Variants in PERP observed in about 807,000 individuals in gnomAD.
The protein encoded by PERP is p53 apoptosis effector related to PMP-22.
Under a neutral mutation model 20.3 loss-of-function variants are expected in PERP, and 11 were observed. The ratio of observed to expected loss-of-function variants is 0.54; its 90% CI spans 0.34 to 0.90. The LOEUF is 0.90. Among genes scored for constraint, PERP ranks in the 40% least tolerant of loss-of-function variants. The pLI, the probability that PERP is intolerant of heterozygous loss-of-function variation, is 0.02. For missense variants in PERP, 224 were observed against 249.4 expected (o/e 0.90, Z 0.69); for synonymous variants, 101 against 102.0 (o/e 0.99, Z 0.06).
chr6:138,095,288 T>C (rs3734298), intron 2 of PERP, among the ~76,000 whole-genome samples: 24,137 of 152,188 alleles, frequency 0.16, 2,297 homozygotes, highest in Non-Finnish European at 0.21. Flanking sequence ...ACAGAAACTG[T>C]CAAATGTGCC....
At chr6:138,099,604 G>T (rs1473900366) in intron 1 of PERP, among the ~76,000 whole-genome samples, 1 of 152,072 alleles carries the variant, frequency 6.6e-6, no homozygotes, top group Non-Finnish European at 1.5e-5. Flanking sequence ...ACAGATAAAG[G>T]TTTGAAAAAT....
chr6:138,093,750 A>T (rs1174239001), intron 2 of PERP, among the ~76,000 whole-genome samples: 1 of 152,118 alleles, frequency 6.6e-6, no homozygotes, highest in Non-Finnish European at 1.5e-5. Context: ...AATTTTTCTG[A>T]TGTTTAATGT....
intron 1 of PERP, among the ~76,000 whole-genome samples, chr6:138,099,043 T>C (rs1254060186): frequency 1.3e-5 from 2 of 152,228 alleles, no homozygotes; most frequent in East Asian, 3.8e-4. Flanking sequence ...GACCATGCTT[T>C]GGAAAGAACA....
At chr6:138,097,664 C>T (rs914896098) in intron 1 of PERP, among the ~76,000 whole-genome samples, 14 of 152,124 alleles carry the variant, frequency 9.2e-5, no homozygotes, top group Admixed American at 7.2e-4. Context: ...TTCAAATAAC[C>T]TGCCCATAGC....
intron 2 of PERP, among the ~76,000 whole-genome samples, chr6:138,095,104 T>C (rs1775659452): frequency 6.6e-6 from 1 of 152,222 alleles, no homozygotes; most frequent in South Asian, 2.1e-4. Context: ...ATCAAATGTG[T>C]TTCTTTGCTA....
Position 138,091,888 on chromosome 6 carries a change from A to T in PERP, c.*154T>A. 1.5e-6 allele frequency: 1 copy of T among 649,356 alleles called. No homozygotes were observed. Among genetic ancestry groups the T allele is most frequent in the East Asian group, 2.8e-5 (1 of 35,932 alleles). 40.2% of individuals were successfully genotyped at this position (649,356 alleles called of 1,614,324 possible). A position where few individuals can be genotyped will look rare whatever the true frequency, so the allele number is the denominator to read the frequency against. ...TAAACATGAAACTATAACACTACTT[A>T]AAAAATATTTTCTCCCAAATTATTT... On this transcript the variant is annotated 3_prime_UTR_variant, in exon 3 of 3. Coordinates refer to ENST00000421351, the MANE Select transcript of PERP (RefSeq NM_022121.5).
intron 2 of PERP, among the ~76,000 whole-genome samples, chr6:138,095,780 G>A (rs546281060): frequency 6.6e-6 from 1 of 152,070 alleles, no homozygotes; most frequent in African/African-American, 2.4e-5. Context: ...ATTCACACTG[G>A]GCCCTGCACA....
chr6:138,091,229 G>A lies in PERP; in HGVS notation c.*813C>T, dbSNP rs1228730468. 6.6e-6 allele frequency: 1 copy of A among 152,196 alleles called. No individual in the cohort carries two copies. Among genetic ancestry groups the A allele is most frequent in the Non-Finnish European group, 1.5e-5 (1 of 68,040 alleles). 9.4% of individuals were successfully genotyped at this position (152,196 alleles called of 1,614,324 possible). On this transcript the variant is annotated 3_prime_UTR_variant, in exon 3 of 3. Transcript: ENST00000421351. ...CAACTTAACCAGATCTATCAGTCAT[G>A]ATAAATTAGACCCAGTCCATCTTTC...
intron 1 of PERP, among the ~76,000 whole-genome samples, chr6:138,099,320 A>T (rs1775739991): frequency 1.3e-5 from 2 of 152,346 alleles, no homozygotes; most frequent in South Asian, 4.1e-4. Context: ...ACCCATTGTC[A>T]ATTACAGTCT....
Position 138,092,129 on chromosome 6 carries a change from G to C in PERP, c.495C>G (p.Gly165=), listed in dbSNP as rs142744070. ...FGWAATIILI[G]CAFFFCCLPN... ...GGAGGCAGCAGAAGAAGAAGGCACAGCCAATCAGGATAATCGTGGCTGCCC... is the reference window on the plus strand; with the variant it reads ...GGAGGCAGCAGAAGAAGAAGGCACACCCAATCAGGATAATCGTGGCTGCCC... The change falls in exon 3 of 3, where the codon GGC becomes GGG. Residue 165 remains glycine (G), a synonymous_variant. Coordinates refer to ENST00000421351, the MANE Select transcript of PERP (RefSeq NM_022121.5). The C allele has an allele frequency of 5.4e-5, 87 of 1,614,126 alleles. No individual in the cohort carries two copies. In the African/African-American group the frequency reaches 9.9e-4, roughly 18 times the overall value.
At chr6:138,098,153 G>T (rs1179947396) in intron 1 of PERP, among the ~76,000 whole-genome samples, 2 of 152,182 alleles carry the variant, frequency 1.3e-5, no homozygotes, top group African/African-American at 4.8e-5. Context: ...GCTCTTGGAA[G>T]ATCGTGCACA....
rs1562322344 is a variant in PERP, at chr6:138,090,910, T to TA, written c.*1131dup. On this transcript the variant is annotated 3_prime_UTR_variant, in exon 3 of 3. Coordinates refer to ENST00000421351, the MANE Select transcript of PERP (RefSeq NM_022121.5). ...GTTTTCATTATGTAAGTCGAAATGG[T>TA]AAAAAATCATAATGACCTATCCGAT... 6.6e-6 allele frequency: 1 copy of TA among 152,554 alleles called. No homozygotes were observed. The highest frequency in any genetic ancestry group is 2.4e-5 in the African/African-American group (1 of 41,428). 9.5% of individuals were successfully genotyped at this position (152,554 alleles called of 1,614,324 possible). A position where few individuals can be genotyped will look rare whatever the true frequency, so the allele number is the denominator to read the frequency against.
chr6:138,091,026 A>C lies in PERP; in HGVS notation c.*1016T>G, dbSNP rs1190518955. The stretch of plus-strand genomic sequence containing the variant: ...AGACATTTAAAATCTGTTTACCAAG[A>C]AAGACCAGGATTTTAACTATATGTA... On this transcript the variant is annotated 3_prime_UTR_variant, in exon 3 of 3. Transcript: ENST00000421351. 1 of 152,476 alleles carries C rather than the reference A, an allele frequency of 6.6e-6. No homozygotes were observed. The highest frequency in any genetic ancestry group is 2.4e-5 in the African/African-American group (1 of 41,450). 9.4% of individuals were successfully genotyped at this position (152,476 alleles called of 1,614,324 possible).
chr6:138,096,635 A>C, intron 1 of PERP, 141 bp from the exon 2 acceptor site: 1 of 886,506 alleles, frequency 1.1e-6, no homozygotes, highest in Non-Finnish European at 1.7e-6. Context: ...TTTTGACAAT[A>C]CTTGAGCATC....
intron 1 of PERP, among the ~76,000 whole-genome samples, chr6:138,099,362 G>A (rs1028730591): frequency 2.0e-5 from 3 of 152,064 alleles, no homozygotes; most frequent in Non-Finnish European, 2.9e-5. Context: ...ATGGCCACTG[G>A]TAATTGTTAA....
At position 138,106,799 on chromosome 6, in the gene PERP, C is replaced by A. The variant is rs140595089; in HGVS notation, c.214+328G>T. On this transcript the variant is annotated intron_variant, in intron 1 of 2. Transcript: ENST00000421351. The stretch of plus-strand genomic sequence containing the variant: ...GAAGAAATTTCAGGTCTCCAAGAAA[C>A]TTTGTTCATTATATTTACTCATCTA... 8.6e-4 allele frequency among the ~76,000 whole-genome samples: 131 copies of A among 151,846 alleles called. 1 individual carries two copies. Among genetic ancestry groups the A allele is most frequent in the African/African-American group, 3.1e-3 (127 of 41,378 alleles).
Position 138,107,101 on chromosome 6 carries a change from C to T in PERP, c.214+26G>A. 1.3e-6 allele frequency: 2 copies of T among 1,574,164 alleles called. No individual in the cohort carries two copies. Among genetic ancestry groups the T allele is most frequent in the Non-Finnish European group, 1.7e-6 (2 of 1,161,412 alleles). ...GGCCCCGAGGGCTTCCTGGAGGCGG[C>T]GACGGCGGCGGCGGCGGGCACTCAC... On this transcript the variant is annotated intron_variant, in intron 1 of 2. Transcript: ENST00000421351. The surrounding 1 kb of genome is among the most constrained non-coding windows in gnomAD (Gnocchi z 4.8).
rs1272052152 is a variant in PERP at position 138,107,362 on chromosome 6, G to A, written c.-22C>T. 8 of 1,456,016 alleles carry A rather than the reference G, an allele frequency of 5.5e-6. No individual in the cohort carries two copies. Among genetic ancestry groups the A allele is most frequent in the South Asian group, 2.7e-5 (2 of 73,898 alleles). 90.2% of individuals were successfully genotyped at this position (1,456,016 alleles called of 1,614,324 possible). On this transcript the variant is annotated 5_prime_UTR_variant, in exon 1 of 3. Coordinates refer to ENST00000421351, the MANE Select transcript of PERP (RefSeq NM_022121.5). This position sits in a 1 kb window ranked among gnomAD's most constrained non-coding sequence, Gnocchi z 4.8. ...TCATGTTGACGGGCGGCGCGGGGCC[G>A]AGCGGAGCGGAGCGGAGCGGGTCGG...
chr6:138,107,353 C>G lies in PERP; in HGVS notation c.-13G>C. The G allele has an allele frequency of 6.3e-7, 1 of 1,579,328 alleles. No individual in the cohort carries two copies. Among genetic ancestry groups the G allele is most frequent in the Non-Finnish European group, 8.6e-7 (1 of 1,167,742 alleles). On this transcript the variant is annotated 5_prime_UTR_variant, in exon 1 of 3. Coordinates refer to ENST00000421351, the MANE Select transcript of PERP (RefSeq NM_022121.5). This position sits in a 1 kb window ranked among gnomAD's most constrained non-coding sequence, Gnocchi z 4.8. Reference sequence around the variant, plus strand: ...CGCAGCGGATCATGTTGACGGGCGGCGCGGGGCCGAGCGGAGCGGAGCGGA... The same window carrying G: ...CGCAGCGGATCATGTTGACGGGCGGGGCGGGGCCGAGCGGAGCGGAGCGGA...
Sources: allele counts gnomAD v4.1 joint callset (sites outside exome capture counted in the v4.1 genomes callset), GRCh38; gene constraint gnomAD v4.1.1; non-coding constraint Gnocchi (gnomAD v3.1); transcripts MANE v1.5; gene names NCBI Gene and HGNC (gene_info 2026-07-23, HGNC 2026-07-21).